The following KAZN variants were observed in gnomAD, a reference collection of about 807,000 sequenced individuals.
The protein encoded by KAZN is kazrin.
Under a neutral mutation model 87.4 loss-of-function variants are expected in KAZN, and 40 were observed. The ratio of observed to expected loss-of-function variants is 0.46; its 90% CI spans 0.36 to 0.60. The LOEUF is 0.60. KAZN is among the 20% of genes least tolerant of loss of function. The pLI, the probability that KAZN is intolerant of heterozygous loss-of-function variation, is 0.00. For missense variants in KAZN, 898 were observed against 1,073.9 expected (o/e 0.84, Z 2.29); for synonymous variants, 466 against 458.3 (o/e 1.02, Z -0.22).
chr1:14,022,596 T>A (rs2101267798), intron 1 of KAZN, among the ~76,000 whole-genome samples: 1 of 152,042 alleles, frequency 6.6e-6, no homozygotes, highest in East Asian at 1.9e-4. Flanking sequence ...TCTATAATAT[T>A]GTTTTTGTAT....
intron 2 of KAZN, among the ~76,000 whole-genome samples, chr1:14,233,287 A>G (rs1648044014): frequency 2.0e-5 from 3 of 152,178 alleles, no homozygotes; most frequent in South Asian, 4.1e-4. Flanking sequence ...ATGTGCCACC[A>G]CACCCAGCTA....
chr1:14,087,880 T>C (rs1267413582), intron 1 of KAZN, among the ~76,000 whole-genome samples: 1 of 152,004 alleles, frequency 6.6e-6, no homozygotes, highest in Non-Finnish European at 1.5e-5. Flanking sequence ...TTTGCATCTA[T>C]ACTTTTGAGA....
intron 2 of KAZN, among the ~76,000 whole-genome samples, chr1:14,360,302 A>T (rs879887045): frequency 6.6e-6 from 1 of 152,148 alleles, no homozygotes; most frequent in Non-Finnish European, 1.5e-5. Context: ...GGTCATTTAC[A>T]TTCTTCTATA....
chr1:14,807,307 G>T (rs1453682816), intron 1 of KAZN, among the ~76,000 whole-genome samples: 1 of 152,192 alleles, frequency 6.6e-6, no homozygotes, highest in Non-Finnish European at 1.5e-5. Flanking sequence ...GTGTGGCTTT[G>T]CGAGTCATTC....
intron 2 of KAZN, among the ~76,000 whole-genome samples, chr1:14,337,893 CAA>C (rs34909839): frequency 0.27 from 27,229 of 100,312 alleles, 3,138 homozygotes; most frequent in African/African-American, 0.46. Flanking sequence ...GACTCTGTCT[CAA>C]AAAAAAAAAA....
At chr1:14,074,012 G>A (rs207460032) in intron 1 of KAZN, among the ~76,000 whole-genome samples, 2 of 152,052 alleles carry the variant, frequency 1.3e-5, no homozygotes, top group Non-Finnish European at 2.9e-5. Context: ...ATTTCTGCTG[G>A]TCCAGTCCGG....
chr1:14,153,408 G>A (rs186567985), intron 1 of KAZN, among the ~76,000 whole-genome samples: 55 of 151,952 alleles, frequency 3.6e-4, no homozygotes, highest in African/African-American at 1.2e-3. Flanking sequence ...TCATTCTTTC[G>A]CATTTGGATA....
At chr1:14,789,489 A>G (rs1022016615) in intron 1 of KAZN, among the ~76,000 whole-genome samples, 28 of 152,060 alleles carry the variant, frequency 1.8e-4, no homozygotes, top group African/African-American at 6.8e-4. Flanking sequence ...GGTGCCTCTC[A>G]CCTGAACCAG....
chr1:14,297,329 G>C (rs1425653071), intron 2 of KAZN, among the ~76,000 whole-genome samples: 1 of 152,184 alleles, frequency 6.6e-6, no homozygotes, highest in Non-Finnish European at 1.5e-5. Flanking sequence ...AGGCATGAAT[G>C]GGTCCATCCT....
At chr1:14,766,250 A>G (rs2100570810) in intron 1 of KAZN, among the ~76,000 whole-genome samples, 1 of 152,098 alleles carries the variant, frequency 6.6e-6, no homozygotes, top group South Asian at 2.1e-4. Flanking sequence ...TCACCTGCCA[A>G]CTCCCTAGTC....
chr1:14,128,008 C>T (rs527835695), intron 1 of KAZN, among the ~76,000 whole-genome samples: 11 of 152,112 alleles, frequency 7.2e-5, no homozygotes, highest in African/African-American at 2.7e-4. Flanking sequence ...GTTTACAAGA[C>T]GATGCCGAAT....
At chr1:14,653,004 T>G (rs1638551374) in intron 1 of KAZN, among the ~76,000 whole-genome samples, 1 of 152,124 alleles carries the variant, frequency 6.6e-6, no homozygotes, top group African/African-American at 2.4e-5. Context: ...GGAGAAATTC[T>G]GCTGACTCCG....
At chr1:14,545,616 C>T (rs568654375) in intron 2 of KAZN, among the ~76,000 whole-genome samples, 5 of 152,134 alleles carry the variant, frequency 3.3e-5, no homozygotes, top group Non-Finnish European at 4.4e-5. Flanking sequence ...TGTATCTGTC[C>T]GTATAGGCTA....
intron 1 of KAZN, among the ~76,000 whole-genome samples, chr1:14,864,744 C>A (rs1651257979): frequency 6.6e-6 from 1 of 152,128 alleles, no homozygotes; most frequent in Non-Finnish European, 1.5e-5. Flanking sequence ...CCTGCTGTTG[C>A]ATTCAGAGGA....
chr1:14,118,890 G>C (rs1315133688), intron 1 of KAZN, among the ~76,000 whole-genome samples: 4 of 152,156 alleles, frequency 2.6e-5, no homozygotes, highest in Admixed American at 1.3e-4. Flanking sequence ...AAACTGCCAA[G>C]GGTTTTAAAA....
rs1379949870 is a variant in KAZN, at chr1:15,099,320, G to A, written c.1548-2223G>A. On this transcript the variant is annotated intron_variant, in intron 10 of 14. Coordinates refer to ENST00000376030, the MANE Select transcript of KAZN (RefSeq NM_201628.3). The surrounding 1 kb of genome is among the most constrained non-coding windows in gnomAD (Gnocchi z 5.4). ...AGTGAACGCAGTTTCTGTCCTGAAT[G>A]AGCTTATCTGCTAAGGTGGGGAAGA... Among the ~76,000 whole-genome samples the A allele has an allele frequency of 6.6e-6, 1 of 152,242 alleles. No homozygotes were observed.
intron 1 of KAZN, among the ~76,000 whole-genome samples, chr1:14,801,448 T>C (rs1646018509): frequency 6.6e-6 from 1 of 151,968 alleles, no homozygotes. Context: ...CTGGGTCCCT[T>C]CTCCGCAGGC....
chr1:14,715,870 G>A (rs889288161), intron 1 of KAZN, among the ~76,000 whole-genome samples: 1 of 152,168 alleles, frequency 6.6e-6, no homozygotes, highest in East Asian at 1.9e-4. Context: ...TGGTTGACAA[G>A]GTTCCGGGCT....
intron 2 of KAZN, among the ~76,000 whole-genome samples, chr1:14,205,898 A>AAAAAAAAAAAT: frequency 1.6e-5 from 1 of 60,778 alleles, no homozygotes; most frequent in Non-Finnish European, 2.9e-5. Flanking sequence ...AAAAAAAAAA[A>AAAAAAAAAAAT]AAAAAAAAGC....
Sources: gnomAD v4.1 joint callset for allele counts (sites outside exome capture counted in the v4.1 genomes callset) on GRCh38, gnomAD v4.1.1 for gene constraint, Gnocchi (gnomAD v3.1) non-coding constraint, MANE v1.5 for transcripts, NCBI Gene and HGNC (gene_info 2026-07-23, HGNC 2026-07-21) for gene names.